Variants in RPS6KA3 observed in about 807,000 individuals in gnomAD.
The protein encoded by RPS6KA3 is ribosomal protein S6 kinase A3.
A neutral mutation model predicts 67.2 loss-of-function variants in RPS6KA3; 4 were observed. The observed-to-expected ratio is 0.06, with a 90% CI of 0.03 to 0.14. RPS6KA3 has a LOEUF of 0.14. Among genes scored for constraint, RPS6KA3 ranks in the 10% least tolerant of loss-of-function variants. The pLI is 1.00. For missense variants in RPS6KA3, 204 were observed against 559.0 expected, an observed-to-expected ratio of 0.36 and a Z score of 6.40; for synonymous variants, 182 against 183.7, an observed-to-expected ratio of 0.99 and a Z score of 0.07.
chrX:20,170,669 T>A (rs1338331563), intron 15 of RPS6KA3, among the ~76,000 whole-genome samples: 2 of 109,615 alleles, frequency 1.8e-5, no homozygotes, highest in Admixed American at 2.0e-4. Context: ...TGGAGTGTAG[T>A]GGCGCAATCA....
intron 13 of RPS6KA3, among the ~76,000 whole-genome samples, chrX:20,175,542 G>A (rs1187617377): frequency 1.8e-5 from 2 of 111,445 alleles, no homozygotes; most frequent in Non-Finnish European, 3.8e-5. Flanking sequence ...ATAATACATC[G>A]ATGAATTATA....
intron 10 of RPS6KA3, among the ~76,000 whole-genome samples, chrX:20,184,025 T>C (rs753290185): frequency 1.2e-3 from 139 of 112,600 alleles, no homozygotes; most frequent in African/African-American, 4.2e-3. Context: ...AAATAAAATA[T>C]TACAATTAAC....
intron 1 of RPS6KA3, among the ~76,000 whole-genome samples, chrX:20,240,970 G>A (rs777003970): frequency 9.0e-6 from 1 of 110,940 alleles, no homozygotes; most frequent in Admixed American, 9.6e-5. Context: ...TATTTTCAAA[G>A]TTATATGCAC....
At chrX:20,245,940 A>G (rs1267183354) in intron 1 of RPS6KA3, among the ~76,000 whole-genome samples, 1 of 109,837 alleles carries the variant, frequency 9.1e-6, no homozygotes, top group Non-Finnish European at 1.9e-5. Context: ...CAACATGGTG[A>G]AACCCCGTCT....
At chrX:20,239,691 A>G (rs904814227) in intron 1 of RPS6KA3, among the ~76,000 whole-genome samples, 1 of 111,435 alleles carries the variant, frequency 9.0e-6, no homozygotes, top group African/African-American at 3.3e-5. Context: ...ATCAGAACAA[A>G]TCAGATAAAG....
chrX:20,185,190 G>C (rs1251186227), intron 10 of RPS6KA3, among the ~76,000 whole-genome samples: 1 of 111,500 alleles, frequency 9.0e-6, no homozygotes, highest in Non-Finnish European at 1.9e-5. Flanking sequence ...CAGGTGATCT[G>C]CCTGCCTCGG....
At chrX:20,157,534 T>A (rs1391241920) in intron 20 of RPS6KA3, among the ~76,000 whole-genome samples, 3 of 108,377 alleles carry the variant, frequency 2.8e-5, no homozygotes, top group African/African-American at 1.0e-4. Flanking sequence ...AAATGAACTC[T>A]GACTTCATGA....
Position 20,172,889 on chromosome X carries a change from T to C in RPS6KA3, c.1228-18A>G. The C allele has an allele frequency of 8.3e-7, 1 of 1,199,809 alleles. No homozygotes were observed. The highest frequency in any genetic ancestry group is 1.1e-6 in the Non-Finnish European group (1 of 885,008). ...TGTAACTGCTACAAAAAATTATAAA[T>C]TGGTGAAGAGTCCCATAATGCCTTT... On this transcript the variant is annotated intron_variant, in intron 14 of 21. Transcript: ENST00000379565.
chrX:20,230,523 C>T (rs761883502), intron 2 of RPS6KA3, among the ~76,000 whole-genome samples: 1 of 111,273 alleles, frequency 9.0e-6, no homozygotes, highest in Non-Finnish European at 1.9e-5. Flanking sequence ...CTTTGAAAGC[C>T]CATAAGCAAA....
At chrX:20,202,344 A>G (rs1216350715) in intron 4 of RPS6KA3, among the ~76,000 whole-genome samples, 1 of 110,452 alleles carries the variant, frequency 9.1e-6, no homozygotes, top group Non-Finnish European at 1.9e-5. Flanking sequence ...GTCATACAGC[A>G]TGGCAGGTAC....
chrX:20,173,663 A>G (rs2067627309), intron 14 of RPS6KA3, among the ~76,000 whole-genome samples: 1 of 112,590 alleles, frequency 8.9e-6, no homozygotes, highest in Admixed American at 9.4e-5. Context: ...TTTCTATGTT[A>G]GGTACAGAAT....
At chrX:20,188,677 G>A in intron 7 of RPS6KA3, 143 bp from the exon 8 acceptor site, 1 of 410,166 alleles carries the variant, frequency 2.4e-6, no homozygotes, top group Non-Finnish European at 4.4e-6. Flanking sequence ...CAAAGGCAAA[G>A]GAGGAACAAA....
At chrX:20,251,538 G>C (rs769444184) in intron 1 of RPS6KA3, among the ~76,000 whole-genome samples, 2 of 112,887 alleles carry the variant, frequency 1.8e-5, no homozygotes, top group African/African-American at 6.4e-5. Flanking sequence ...ATCTGCTGTC[G>C]CATGAGTTGT....
intron 4 of RPS6KA3, among the ~76,000 whole-genome samples, chrX:20,201,063 G>GC (rs2068419819): frequency 8.9e-6 from 1 of 111,954 alleles, no homozygotes; most frequent in African/African-American, 3.3e-5. Flanking sequence ...GAATTTTCAA[G>GC]CCTATGAATC....
At chrX:20,258,429 A>G (rs1366291035) in intron 1 of RPS6KA3, among the ~76,000 whole-genome samples, 1 of 112,162 alleles carries the variant, frequency 8.9e-6, no homozygotes, top group African/African-American at 3.2e-5. Flanking sequence ...TGGAGTGAAG[A>G]TTTATCCCAA....
Position 20,152,838 on chromosome X carries a change from A to C in RPS6KA3, c.*2560T>G, listed in dbSNP as rs1348403289. ...AGGCAATTATCTTCGAAAGAAATAA[A>C]AGTTGGCATCACATACCAGTAGAGG... On this transcript the variant is annotated 3_prime_UTR_variant, in exon 22 of 22. Transcript: ENST00000379565. 2.7e-5 allele frequency: 3 copies of C among 112,097 alleles called. No homozygotes were observed. The highest frequency in any genetic ancestry group is 5.6e-5 in the Non-Finnish European group (3 of 53,259). The allele number at this position is 112,097 out of a possible 1,213,427, so 9.2% of individuals were successfully genotyped here.
Position 20,150,839 on chromosome X carries a change from A to T in RPS6KA3, c.*4559T>A, listed in dbSNP as rs1360461443. On this transcript the variant is annotated 3_prime_UTR_variant, in exon 22 of 22. Coordinates refer to ENST00000379565, the MANE Select transcript of RPS6KA3 (RefSeq NM_004586.3). ...CTTAAATCTCTACATTTTCCTTTCC[A>T]CTAATCTCTATTCAAAATGTCATAT... 8.9e-6 allele frequency: 1 copy of T among 112,300 alleles called. No individual in the cohort carries two copies. Among genetic ancestry groups the T allele is most frequent in the Non-Finnish European group, 1.9e-5 (1 of 53,186 alleles). 9.3% of individuals were successfully genotyped at this position (112,300 alleles called of 1,213,427 possible).
At chrX:20,185,243 G>A (rs992793791) in intron 10 of RPS6KA3, among the ~76,000 whole-genome samples, 3 of 112,063 alleles carry the variant, frequency 2.7e-5, no homozygotes, top group Non-Finnish European at 3.8e-5. Flanking sequence ...CACTGTGCCC[G>A]GATAAAAATT....
intron 3 of RPS6KA3, among the ~76,000 whole-genome samples, chrX:20,206,020 G>A (rs1034349031): frequency 1.8e-5 from 2 of 112,380 alleles, no homozygotes; most frequent in African/African-American, 6.5e-5. Flanking sequence ...CACAGTGGAG[G>A]TACTGGGACA....
Sources: gnomAD v4.1 joint callset for allele counts (sites outside exome capture counted in the v4.1 genomes callset) on GRCh38, gnomAD v4.1.1 for gene constraint, MANE v1.5 for transcripts, NCBI Gene and HGNC (gene_info 2026-07-23, HGNC 2026-07-21) for gene names.